TCEA3: variants seen among roughly 807,000 people sequenced by gnomAD.
The protein encoded by TCEA3 is transcription elongation factor A protein 3.
A neutral mutation model predicts 44.0 loss-of-function variants in TCEA3; 36 were observed. The observed-to-expected ratio is 0.82, with a 90% CI of 0.63 to 1.08. The LOEUF is 1.08. Among genes scored for constraint, TCEA3 ranks in the 50% least tolerant of loss-of-function variants. The pLI, the probability that TCEA3 is intolerant of heterozygous loss-of-function variation, is 0.00. For missense variants in TCEA3, 392 were observed against 441.2 expected, an observed-to-expected ratio of 0.89 and a Z score of 1.00; for synonymous variants, 162 against 159.7, an observed-to-expected ratio of 1.01 and a Z score of -0.11.
chr1:23,406,688 C>T (rs1293958360), intron 5 of TCEA3, among the ~76,000 whole-genome samples: 1 of 152,148 alleles, frequency 6.6e-6, no homozygotes, highest in Admixed American at 6.5e-5. Context: ...GTTCCATCCC[C>T]CAGACTGGAG....
Position 23,422,373 on chromosome 1 carries a change from T to A in TCEA3, c.69+2192A>T, listed in dbSNP as rs550307346. ...CACATGTTATAGCTATGTGTGTGTA[T>A]GTAGCTGTGACCGTAGGCACTTGGT... On this transcript the variant is annotated intron_variant, in intron 1 of 10. Transcript: ENST00000450454. Among the ~76,000 whole-genome samples the A allele has an allele frequency of 3.3e-5, 5 of 152,354 alleles. No individual in the cohort carries two copies. The East Asian group carries it at 9.6e-4, about 29-fold the overall frequency.
At chr1:23,418,126 G>C in intron 2 of TCEA3, 117 bp from the exon 3 acceptor site, 1 of 1,000,728 alleles carries the variant, frequency 1.0e-6, no homozygotes, top group South Asian at 1.5e-5. Context: ...TGGACCCCCA[G>C]AGTCCTAGCC....
chr1:23,399,168 A>ATATG (rs1553167332), intron 5 of TCEA3, among the ~76,000 whole-genome samples: 13 of 139,760 alleles, frequency 9.3e-5, no homozygotes, highest in Admixed American at 5.1e-4. Flanking sequence ...ATATATATAT[A>ATATG]TATATATATA....
intron 5 of TCEA3, among the ~76,000 whole-genome samples, chr1:23,402,024 G>A (rs1220920891): frequency 6.6e-6 from 1 of 152,218 alleles, no homozygotes; most frequent in Non-Finnish European, 1.5e-5. Context: ...TGGTGTAACA[G>A]CTTCCAATTA....
intron 1 of TCEA3, chr1:23,423,844 A>G (rs1489376094): frequency 2.2e-6 from 1 of 455,894 alleles, no homozygotes; most frequent in Non-Finnish European, 4.4e-6. Context: ...TAGGGCTGTC[A>G]GCCCTGCTCC....
Position 23,419,041 on chromosome 1 carries a change from C to G in TCEA3, c.132+36G>C, listed in dbSNP as rs531496339. 6.4e-6 allele frequency: 8 copies of G among 1,259,782 alleles called. No individual in the cohort carries two copies. In the African/African-American group the frequency reaches 7.6e-5, roughly 12 times the overall value. 78.0% of individuals were successfully genotyped at this position (1,259,782 alleles called of 1,614,324 possible). On this transcript the variant is annotated intron_variant, in intron 2 of 10. Coordinates refer to ENST00000450454, the MANE Select transcript of TCEA3 (RefSeq NM_003196.3). ...TTCCCTCCCCCACCAGCTCTCCCCC[C>G]AGGCACTGTCCCAAGGCTTCCCACC...
chr1:23,407,712 C>G (rs1453969102), intron 5 of TCEA3, among the ~76,000 whole-genome samples: 1 of 152,038 alleles, frequency 6.6e-6, no homozygotes, highest in Non-Finnish European at 1.5e-5. Context: ...CCTGTCTCCC[C>G]CTACTTAGAA....
intron 5 of TCEA3, chr1:23,404,271 T>A: frequency 4.4e-6 from 3 of 685,634 alleles, no homozygotes; most frequent in Non-Finnish European, 8.1e-6. Context: ...GTACTCCAGC[T>A]ACAGTTCCCA....
chr1:23,394,052 G>A lies in TCEA3; in HGVS notation c.665-19C>T, dbSNP rs758341984. On this transcript the variant is annotated intron_variant, in intron 7 of 10. Transcript: ENST00000450454. ...TAGATATGTGACACAGTCAAGGGCCGGCCAGCCATTCATGGAGGGGCACAG... is the reference window on the plus strand; with the variant it reads ...TAGATATGTGACACAGTCAAGGGCCAGCCAGCCATTCATGGAGGGGCACAG... The A allele has an allele frequency of 1.2e-5, 20 of 1,613,202 alleles. No homozygotes were observed. The highest frequency in any genetic ancestry group is 2.2e-5 in the East Asian group (1 of 44,888).
At chr1:23,411,826 T>A (rs1639714956) in intron 4 of TCEA3, among the ~76,000 whole-genome samples, 1 of 152,276 alleles carries the variant, frequency 6.6e-6, no homozygotes, top group African/African-American at 2.4e-5. Flanking sequence ...GTTTTACAAA[T>A]GTCTGTATTT....
chr1:23,384,031 T>A (rs1251492754), intron 10 of TCEA3: 14 of 1,200,054 alleles, frequency 1.2e-5, no homozygotes, highest in Non-Finnish European at 1.5e-5. Context: ...GCAGAATGTT[T>A]TTCCTCTCCT....
At chr1:23,394,793 G>A (rs930843881) in intron 7 of TCEA3, among the ~76,000 whole-genome samples, 2 of 152,204 alleles carry the variant, frequency 1.3e-5, no homozygotes, top group African/African-American at 2.4e-5. Context: ...GCAAATTCCC[G>A]GCAGAGACAG....
chr1:23,386,716 C>G (rs1352622727), intron 9 of TCEA3, among the ~76,000 whole-genome samples: 1 of 65,256 alleles, frequency 1.5e-5, no homozygotes. Context: ...TGCCACCATG[C>G]CTGGCTAATT....
chr1:23,412,424 C>T (rs1349024549), intron 4 of TCEA3, among the ~76,000 whole-genome samples: 2 of 148,188 alleles, frequency 1.3e-5, no homozygotes, highest in Non-Finnish European at 3.0e-5. Context: ...AAAAAATGGC[C>T]GGGCATGGTG....
intron 4 of TCEA3, among the ~76,000 whole-genome samples, chr1:23,416,038 C>T (rs1314627201): frequency 7.5e-6 from 1 of 134,182 alleles, no homozygotes; most frequent in African/African-American, 2.9e-5. Flanking sequence ...CGGAGTTTCG[C>T]TCTTATTGCC....
rs1003348103 is a variant in TCEA3 at position 23,381,491 on chromosome 1, G to C, written c.1039-17C>G. The stretch of plus-strand genomic sequence containing the variant: ...TCAGCAGAACTACAAAACCAGAAAG[G>C]CAACAAAATTTGAAAGGTTTCTCGG... On this transcript the variant is annotated splice_polypyrimidine_tract_variant and intron_variant, in intron 10 of 10. Transcript: ENST00000450454. The C allele has an allele frequency of 7.7e-6, 6 of 780,670 alleles. No homozygotes were observed. The African/African-American group carries it at 8.5e-5, about 11-fold the overall frequency. 48.4% of individuals were successfully genotyped at this position (780,670 alleles called of 1,614,324 possible). A position where few individuals can be genotyped will look rare whatever the true frequency, so the allele number is the denominator to read the frequency against.
rs1354574117 is a variant in TCEA3 at position 23,419,121 on chromosome 1, G to C, written c.88C>G (p.Leu30Val). Residue 30 changes from leucine to valine, a missense_variant, in exon 2 of 11, where the codon CTG (leucine) becomes GTG (valine). Transcript: ENST00000450454. ...RKNTEGALDLLKKLHSCQMSI... is the reference protein window; with the variant it reads ...RKNTEGALDLVKKLHSCQMSI... The stretch of plus-strand genomic sequence containing the variant: ...ATCTGGCAGCTGTGCAGCTTCTTCA[G>C]AAGGTCCAGGGCCCCTTCCTGTGGG... The C allele has an allele frequency of 6.3e-7, 1 of 1,589,962 alleles. No individual in the cohort carries two copies. The highest frequency in any genetic ancestry group is 8.6e-7 in the Non-Finnish European group (1 of 1,169,298).
At chr1:23,423,832 G>C (rs1265807340) in intron 1 of TCEA3, 2 of 456,024 alleles carry the variant, frequency 4.4e-6, no homozygotes, top group Non-Finnish European at 8.8e-6. Flanking sequence ...AGGACCCTCC[G>C]GTAGGGCTGT....
rs368687131 is a variant in TCEA3, at chr1:23,397,476, C to T, written c.664+69G>A. ...CCTCTCCTTCCTCACTCTCCCAGCT[C>T]GCTTGCACCTTGGATGGGTGCTGCT... On this transcript the variant is annotated intron_variant, in intron 7 of 10. Transcript: ENST00000450454. 4.9e-4 allele frequency: 713 copies of T among 1,463,896 alleles called. 3 individuals carry two copies. Among genetic ancestry groups the T allele is most frequent in the Admixed American group, 1.5e-4 (8 of 54,832 alleles). 90.7% of individuals were successfully genotyped at this position (1,463,896 alleles called of 1,614,324 possible).
Sources: gnomAD v4.1 joint callset for allele counts (sites outside exome capture counted in the v4.1 genomes callset) on GRCh38, gnomAD v4.1.1 for gene constraint, MANE v1.5 for transcripts, NCBI Gene and HGNC (gene_info 2026-07-23, HGNC 2026-07-21) for gene names.